Variants in PAPPA observed in about 807,000 individuals in gnomAD.
PAPPA encodes pappalysin-1.
A neutral mutation model predicts 164.0 loss-of-function variants in PAPPA; 60 were observed. That is an observed-to-expected ratio of 0.37 (90% CI 0.30 to 0.45). The LOEUF is 0.45. Ranked by LOEUF, PAPPA falls within the 20% of genes least tolerant of loss-of-function variation. The pLI, the probability that PAPPA is intolerant of heterozygous loss-of-function variation, is 1.00. For missense variants in PAPPA, 1,782 were observed against 2,087.3 expected (o/e 0.85, Z 2.85); for synonymous variants, 875 against 814.1 (o/e 1.07, Z -1.27).
chr9:116,262,316 T>C (rs958639596), intron 7 of PAPPA, among the ~76,000 whole-genome samples: 1 of 152,148 alleles, frequency 6.6e-6, no homozygotes, highest in African/African-American at 2.4e-5. Flanking sequence ...ATGCAGACTT[T>C]ATGATTTACT....
At chr9:116,157,912 A>G (rs1587932625) in intron 1 of PAPPA, among the ~76,000 whole-genome samples, 1 of 149,142 alleles carries the variant, frequency 6.7e-6, no homozygotes, top group African/African-American at 2.5e-5. Context: ...ACACCCCTCC[A>G]GTTTGAAAGA....
At chr9:116,290,116 C>A (rs1845417754) in intron 9 of PAPPA, among the ~76,000 whole-genome samples, 1 of 152,110 alleles carries the variant, frequency 6.6e-6, no homozygotes, top group Non-Finnish European at 1.5e-5. Flanking sequence ...TATCTTTACA[C>A]CCACTTTTGA....
intron 14 of PAPPA, among the ~76,000 whole-genome samples, chr9:116,345,309 G>T (rs1413693066): frequency 6.6e-6 from 1 of 152,012 alleles, no homozygotes; most frequent in Non-Finnish European, 1.5e-5. Flanking sequence ...ATTCAAGGGA[G>T]GTGCCTTGGA....
chr9:116,274,666 T>C (rs190950227), intron 9 of PAPPA, among the ~76,000 whole-genome samples: 129 of 152,306 alleles, frequency 8.5e-4, no homozygotes, highest in Admixed American at 3.2e-3. Flanking sequence ...GTGGAAGATA[T>C]TGACCAATAT....
At chr9:116,241,305 G>GT (rs1481520031) in intron 7 of PAPPA, among the ~76,000 whole-genome samples, 4 of 152,148 alleles carry the variant, frequency 2.6e-5, no homozygotes. Flanking sequence ...TTATTATCCT[G>GT]TAGTTGGGAG....
At chr9:116,300,871 G>A (rs976179583) in intron 9 of PAPPA, among the ~76,000 whole-genome samples, 8 of 151,644 alleles carry the variant, frequency 5.3e-5, no homozygotes, top group Non-Finnish European at 1.0e-4. Flanking sequence ...TTCTCTCGAT[G>A]ATTATTCTAG....
In PAPPA at chr9:116,243,819, C is replaced by T. The variant is rs747151227; in HGVS notation, c.2732+8182C>T. On this transcript the variant is annotated intron_variant, in intron 7 of 21. Transcript: ENST00000328252. The stretch of plus-strand genomic sequence containing the variant: ...CAGCATGATTTCCAGTAACCTGTTG[C>T]TGAAATGCATGATTCAGGCTGGACC... Among the ~76,000 whole-genome samples the T allele has an allele frequency of 1.2e-3, 181 of 152,188 alleles. 2 individuals are homozygous for T. The highest frequency in any genetic ancestry group is 3.2e-4 in the Non-Finnish European group (22 of 68,020).
chr9:116,171,473 T>C (rs1420027556), intron 1 of PAPPA, among the ~76,000 whole-genome samples: 2 of 151,964 alleles, frequency 1.3e-5, no homozygotes, highest in Non-Finnish European at 2.9e-5. Flanking sequence ...ACCTGCCTTT[T>C]TCTCCAACCC....
intron 5 of PAPPA, among the ~76,000 whole-genome samples, chr9:116,223,463 A>G (rs1287745662): frequency 1.3e-5 from 2 of 152,216 alleles, no homozygotes; most frequent in Non-Finnish European, 2.9e-5. Flanking sequence ...TCTCTATTAC[A>G]CAGTGTCCTT....
At chr9:116,379,471 A>G (rs767493345) in intron 20 of PAPPA, among the ~76,000 whole-genome samples, 17 of 152,152 alleles carry the variant, frequency 1.1e-4, no homozygotes, top group Non-Finnish European at 2.4e-4. Flanking sequence ...CTGGGAATAC[A>G]TTGGTGTTAG....
intron 1 of PAPPA, among the ~76,000 whole-genome samples, chr9:116,186,914 T>C (rs995621899): frequency 2.6e-5 from 4 of 152,094 alleles, no homozygotes; most frequent in African/African-American, 9.7e-5. Context: ...ACTTCATGGG[T>C]TAAAATTGTG....
intron 19 of PAPPA, among the ~76,000 whole-genome samples, chr9:116,368,908 C>T (rs532503428): frequency 7.4e-4 from 113 of 152,244 alleles, no homozygotes; most frequent in African/African-American, 2.6e-3. Flanking sequence ...CTCAGCACTC[C>T]GAGTGTATAG....
chr9:116,270,031 C>G (rs1845119018), intron 8 of PAPPA, among the ~76,000 whole-genome samples: 2 of 152,272 alleles, frequency 1.3e-5, no homozygotes, highest in South Asian at 2.1e-4. Context: ...AAACATTGCC[C>G]AGTGTTAATT....
intron 3 of PAPPA, 36 bp from the exon 4 acceptor site, chr9:116,211,603 C>T: frequency 6.3e-7 from 1 of 1,590,922 alleles, no homozygotes; most frequent in Non-Finnish European, 8.6e-7. Flanking sequence ...AAGCAGAGTA[C>T]CTAGTTTGCC....
intron 3 of PAPPA, among the ~76,000 whole-genome samples, chr9:116,209,067 A>G (rs1266800358): frequency 3.9e-5 from 6 of 152,136 alleles, no homozygotes; most frequent in Non-Finnish European, 5.9e-5. Context: ...ACAGACTAAA[A>G]AGTCAATAGT....
intron 6 of PAPPA, among the ~76,000 whole-genome samples, chr9:116,234,737 G>A (rs1456738011): frequency 6.6e-6 from 1 of 152,168 alleles, no homozygotes; most frequent in African/African-American, 2.4e-5. Context: ...ATATTTGGGA[G>A]CCTTAGTTTT....
intron 1 of PAPPA, among the ~76,000 whole-genome samples, chr9:116,158,807 C>T (rs1468899261): frequency 2.6e-5 from 4 of 152,256 alleles, no homozygotes; most frequent in South Asian, 2.1e-4. Context: ...AAGTGTGTAT[C>T]GTCGCCTGTA....
chr9:116,379,365 G>A (rs16933474), intron 20 of PAPPA, among the ~76,000 whole-genome samples: 358 of 152,310 alleles, frequency 2.4e-3, no homozygotes, highest in African/African-American at 8.1e-3. Flanking sequence ...CTGAGCCCCT[G>A]TTTTCTGCAC....
intron 2 of PAPPA, among the ~76,000 whole-genome samples, chr9:116,205,837 T>G (rs1220087390): frequency 6.6e-6 from 1 of 152,070 alleles, no homozygotes; most frequent in African/African-American, 2.4e-5. Context: ...GAAACTGAGG[T>G]GCAGGAAGTT....
Sources: gnomAD v4.1 joint callset for allele counts (sites outside exome capture counted in the v4.1 genomes callset) on GRCh38, gnomAD v4.1.1 for gene constraint, MANE v1.5 for transcripts, NCBI Gene and HGNC (gene_info 2026-07-23, HGNC 2026-07-21) for gene names.